The following ADAMTS12 variants were observed in gnomAD, a reference collection of about 807,000 sequenced individuals.
The protein encoded by ADAMTS12 is ADAM metallopeptidase with thrombospondin type 1 motif 12.
ADAMTS12 carries 118 observed loss-of-function variants against 167.8 expected under a neutral mutation model. That is an observed-to-expected ratio of 0.70 (90% CI 0.61 to 0.82). The LOEUF is 0.82. Among genes scored for constraint, ADAMTS12 ranks in the 40% least tolerant of loss-of-function variants. ADAMTS12 has a pLI of 0.00. For missense variants in ADAMTS12, 1,916 were observed against 1,998.8 expected (o/e 0.96, Z 0.79); for synonymous variants, 704 against 716.9 (o/e 0.98, Z 0.29).
chr5:33,542,706 A>C (rs1238058444), intron 22 of ADAMTS12, among the ~76,000 whole-genome samples: 1 of 152,242 alleles, frequency 6.6e-6, no homozygotes, highest in Non-Finnish European at 1.5e-5. Flanking sequence ...AGGATTAAGA[A>C]ACTCACTCAA....
chr5:33,829,162 A>G (rs1321021630), intron 2 of ADAMTS12, among the ~76,000 whole-genome samples: 1 of 152,176 alleles, frequency 6.6e-6, no homozygotes, highest in Non-Finnish European at 1.5e-5. Flanking sequence ...TTGCATGCCA[A>G]TAATGGGAAA....
At chr5:33,574,694 A>G (rs1746589770) in intron 19 of ADAMTS12, among the ~76,000 whole-genome samples, 2 of 152,182 alleles carry the variant, frequency 1.3e-5, no homozygotes, top group South Asian at 4.1e-4. Flanking sequence ...ACATGTATAC[A>G]TATGTAACAA....
At chr5:33,890,743 T>C (rs1450417542) in intron 1 of ADAMTS12, among the ~76,000 whole-genome samples, 3 of 152,134 alleles carry the variant, frequency 2.0e-5, no homozygotes, top group Non-Finnish European at 4.4e-5. Context: ...GTCCCTATTA[T>C]TGCTACAGGA....
intron 7 of ADAMTS12, among the ~76,000 whole-genome samples, chr5:33,650,725 A>T (rs1157266085): frequency 6.6e-6 from 1 of 152,176 alleles, no homozygotes; most frequent in East Asian, 1.9e-4. Flanking sequence ...GACAATTCAG[A>T]AGCCTTTGTT....
intron 2 of ADAMTS12, among the ~76,000 whole-genome samples, chr5:33,797,177 C>G (rs1055691636): frequency 6.6e-6 from 1 of 152,224 alleles, no homozygotes; most frequent in Non-Finnish European, 1.5e-5. Flanking sequence ...TAGCCTCCCA[C>G]AGCCCCATGC....
intron 3 of ADAMTS12, among the ~76,000 whole-genome samples, chr5:33,696,363 G>A (rs1188722580): frequency 6.7e-6 from 1 of 150,366 alleles, no homozygotes; most frequent in Non-Finnish European, 1.5e-5. Flanking sequence ...AGAGCTTGCA[G>A]TGAGCCGAGA....
chr5:33,749,338 T>C (rs1379883259), intron 3 of ADAMTS12, among the ~76,000 whole-genome samples: 1 of 152,152 alleles, frequency 6.6e-6, no homozygotes, highest in African/African-American at 2.4e-5. Flanking sequence ...CTTGTGAGCT[T>C]GGCTATATTC....
chr5:33,613,522 A>G (rs1252744478), intron 16 of ADAMTS12, among the ~76,000 whole-genome samples: 3 of 152,132 alleles, frequency 2.0e-5, no homozygotes, highest in Non-Finnish European at 4.4e-5. Flanking sequence ...AAGGCTGTCA[A>G]CAGAGCCAGG....
intron 2 of ADAMTS12, among the ~76,000 whole-genome samples, chr5:33,876,028 T>C (rs1421210223): frequency 6.6e-6 from 1 of 152,122 alleles, no homozygotes; most frequent in African/African-American, 2.4e-5. Flanking sequence ...AATAAGCACA[T>C]GAATACTAAA....
intron 2 of ADAMTS12, among the ~76,000 whole-genome samples, chr5:33,777,548 A>G (rs901926848): frequency 2.0e-5 from 3 of 152,164 alleles, no homozygotes; most frequent in African/African-American, 7.2e-5. Flanking sequence ...TAAAGGCCAT[A>G]TATGACAGGC....
intron 14 of ADAMTS12, among the ~76,000 whole-genome samples, chr5:33,618,703 A>G (rs889982668): frequency 6.6e-6 from 1 of 152,176 alleles, no homozygotes; most frequent in Non-Finnish European, 1.5e-5. Flanking sequence ...TCCAAAATCC[A>G]TATCTTGAAA....
At chr5:33,592,430 G>A (rs1385017393) in intron 17 of ADAMTS12, among the ~76,000 whole-genome samples, 1 of 152,168 alleles carries the variant, frequency 6.6e-6, no homozygotes, top group Non-Finnish European at 1.5e-5. Context: ...TGAGTACTTT[G>A]GATATGCTAG....
In ADAMTS12 at chr5:33,527,315, T is replaced by C; in HGVS notation, c.4658A>G (p.Lys1553Arg). 6.2e-7 allele frequency: 1 copy of C among 1,614,166 alleles called. No individual in the cohort carries two copies. Residue 1553 changes from lysine to arginine, a missense_variant, in exon 24 of 24, where the codon AAA (lysine) becomes AGA (arginine). Lys to Arg is a conservative substitution (Grantham distance 26). Transcript: ENST00000504830. ...KLSASFCQTL[K>R]AMKKCSVPTV... ...GGGCACAGAACATTTCTTCATGGCT[T>C]TCAGTGTCTGGCAGAAACTGGCTGA... is the stretch of plus-strand genomic sequence containing the variant.
At chr5:33,715,980 T>C (rs1157302945) in intron 3 of ADAMTS12, among the ~76,000 whole-genome samples, 2 of 152,166 alleles carry the variant, frequency 1.3e-5, no homozygotes, top group Non-Finnish European at 1.5e-5. Flanking sequence ...TCTGTAAAGA[T>C]AGATGTTAAC....
chr5:33,539,394 A>G (rs1338934121), intron 22 of ADAMTS12, among the ~76,000 whole-genome samples: 1 of 152,198 alleles, frequency 6.6e-6, no homozygotes, highest in Non-Finnish European at 1.5e-5. Context: ...GTGGGCTGAC[A>G]AGAGGCCTGA....
chr5:33,545,700 T>A (rs1281041741), intron 22 of ADAMTS12, among the ~76,000 whole-genome samples: 4 of 152,166 alleles, frequency 2.6e-5, no homozygotes, highest in African/African-American at 9.7e-5. Context: ...GATGAGTTCA[T>A]GTCCTTTGTA....
chr5:33,684,629 T>C (rs1418591778), intron 3 of ADAMTS12, among the ~76,000 whole-genome samples: 1 of 152,064 alleles, frequency 6.6e-6, no homozygotes, highest in Non-Finnish European at 1.5e-5. Context: ...AAAACTGTAG[T>C]ATATATAAGC....
In ADAMTS12 at chr5:33,567,936, C is replaced by T. The variant is rs149186668; in HGVS notation, c.3973-6757G>A. On this transcript the variant is annotated intron_variant, in intron 19 of 23. Transcript: ENST00000504830. The stretch of plus-strand genomic sequence containing the variant: ...GTCCATCTGTCTGAGTTCAAGTCCC[C>T]GTAGCTCACAGGTATGTACGATTCT... Among the ~76,000 whole-genome samples, 343 of 152,216 alleles carry T rather than the reference C, an allele frequency of 2.3e-3. 1 individual carries two copies. The highest frequency in any genetic ancestry group is 7.8e-3 in the African/African-American group (323 of 41,544).
At chr5:33,607,177 T>A (rs982834036) in intron 16 of ADAMTS12, among the ~76,000 whole-genome samples, 9 of 152,022 alleles carry the variant, frequency 5.9e-5, no homozygotes, top group Non-Finnish European at 1.2e-4. Context: ...TCTCTTATTG[T>A]CTATTGGGAT....
Sources: gnomAD v4.1 joint callset for allele counts (sites outside exome capture counted in the v4.1 genomes callset) on GRCh38, gnomAD v4.1.1 for gene constraint, MANE v1.5 for transcripts, NCBI Gene and HGNC (gene_info 2026-07-23, HGNC 2026-07-21) for gene names.